The following NLRP8 variants were observed in gnomAD, a reference collection of about 807,000 sequenced individuals.
The protein encoded by NLRP8 is NLR family pyrin domain containing 8, also known as NACHT, LRR and PYD domains-containing protein 8.
In NLRP8, 86 loss-of-function variants were observed where a neutral mutation model predicts 88.7. The ratio of observed to expected loss-of-function variants is 0.97; its 90% CI spans 0.81 to 1.16. The LOEUF is 1.16. Among genes scored for constraint, NLRP8 ranks in the 50% most tolerant of loss-of-function variants. The pLI is 0.00. For synonymous variants in NLRP8, 504 were observed against 494.6 expected, an observed-to-expected ratio of 1.02 and a Z score of -0.25; for missense variants, 1,342 against 1,286.5, an observed-to-expected ratio of 1.04 and a Z score of -0.66.
chr19:55,986,483 C>CACACAT (rs1555759213), intron 9 of NLRP8, among the ~76,000 whole-genome samples: 6 of 149,408 alleles, frequency 4.0e-5, no homozygotes, highest in Non-Finnish European at 7.4e-5. Flanking sequence ...TACACACACA[C>CACACAT]ACACACACAC....
At chr19:55,973,919 A>T (rs1980194260) in intron 7 of NLRP8, 97 bp downstream of exon 7, 2 of 1,231,698 alleles carry the variant, frequency 1.6e-6, no homozygotes. Flanking sequence ...ATATTTATTA[A>T]GTGCCTACTG....
At chr19:55,978,997 A>C (rs903621581) in intron 8 of NLRP8, among the ~76,000 whole-genome samples, 37 of 152,158 alleles carry the variant, frequency 2.4e-4, no homozygotes, top group Non-Finnish European at 4.6e-4. Flanking sequence ...ATTTGAATAC[A>C]TGTATTTTGT....
At chr19:55,972,648 T>C (rs1980126965) in intron 6 of NLRP8, among the ~76,000 whole-genome samples, 1 of 151,842 alleles carries the variant, frequency 6.6e-6, no homozygotes, top group Non-Finnish European at 1.5e-5. Context: ...CCTCATAGCT[T>C]AGCTCCCACA....
At position 55,954,566 on chromosome 19, in the gene NLRP8, T is replaced by C. The variant is rs138726261; in HGVS notation, c.508T>C (p.Trp170Arg). 19 of 1,614,054 alleles carry C rather than the reference T, an allele frequency of 1.2e-5. No individual in the cohort carries two copies. Among genetic ancestry groups the C allele is most frequent in the Non-Finnish European group, 1.6e-5 (19 of 1,180,032 alleles). ...TTTCCCCATATGGGACATTACGACT[T>C]GGCCTGGAAACCAGAGGGACTTCTT... Residue 170 changes from tryptophan to arginine, a missense_variant, in exon 3 of 10, where the codon TGG becomes CGG. Transcript: ENST00000291971.
rs776927225 is a variant in NLRP8, at chr19:55,976,302, G to T, written c.2875G>T (p.Glu959Ter). 1.3e-6 allele frequency: 2 copies of T among 1,595,394 alleles called. No homozygotes were observed. Among genetic ancestry groups the T allele is most frequent in the Non-Finnish European group, 1.7e-6 (2 of 1,174,450 alleles). Residue 959 changes from glutamate to a stop codon, truncating the protein, a stop_gained and splice_region_variant, in exon 8 of 10, where the codon GAG (glutamate) becomes TAG (stop). Coordinates refer to ENST00000291971, the MANE Select transcript of NLRP8 (RefSeq NM_176811.2). LOFTEE classifies it high-confidence loss of function. ...CCCTGACTGTACATTACAGATCCTG[G>T]AGTAAGTGGCCCCTCGTCTCCTCCT...
chr19:55,949,786 C>T (rs1476633754), intron 1 of NLRP8, among the ~76,000 whole-genome samples: 3 of 152,142 alleles, frequency 2.0e-5, no homozygotes, highest in Non-Finnish European at 4.4e-5. Context: ...AACATAAACA[C>T]AGGAGAGTGG....
intron 8 of NLRP8, among the ~76,000 whole-genome samples, chr19:55,976,554 G>C (rs1980336475): frequency 6.6e-6 from 1 of 151,918 alleles, no homozygotes; most frequent in Admixed American, 6.6e-5. Context: ...TCTGAGGGTG[G>C]GATGCAGCAA....
Position 55,987,771 on chromosome 19 carries a change from A to C in NLRP8, c.3048-43A>C, listed in dbSNP as rs371524110. The C allele has an allele frequency of 1.9e-5, 28 of 1,461,472 alleles. No homozygotes were observed. The African/African-American group carries it at 3.5e-4, about 18-fold the overall frequency. 90.5% of individuals were successfully genotyped at this position (1,461,472 alleles called of 1,614,324 possible). ...AAGCTTAGGGAAGTCACTCATCCTCAGAAAATAACCTCAACCAGCAGCCTT... is the reference window on the plus strand; with the variant it reads ...AAGCTTAGGGAAGTCACTCATCCTCCGAAAATAACCTCAACCAGCAGCCTT... On this transcript the variant is annotated intron_variant, in intron 9 of 9. Transcript: ENST00000291971.
chr19:55,955,504 G>A lies in NLRP8; in HGVS notation c.1446G>A (p.Thr482=), dbSNP rs369750431. ...TTGAGGAAGCCAAGCTGGATCAGAC[G>A]GGAGTCACCGCCTTCCTTGGCATGA... The change falls in exon 3 of 10, where the codon ACG becomes ACA. Residue 482 remains threonine (T), a synonymous_variant. Transcript: ENST00000291971. 1.8e-4 allele frequency: 293 copies of A among 1,614,206 alleles called. 1 individual carries two copies. The South Asian group carries it at 2.8e-3, about 16-fold the overall frequency.
intron 3 of NLRP8, among the ~76,000 whole-genome samples, chr19:55,959,422 C>A (rs189488799): frequency 1.5e-3 from 232 of 151,836 alleles, no homozygotes; most frequent in African/African-American, 5.5e-3. Flanking sequence ...CCCTGTTAGC[C>A]AGAATGGTCT....
intron 3 of NLRP8, among the ~76,000 whole-genome samples, chr19:55,960,038 C>G (rs1442371252): frequency 6.6e-6 from 1 of 151,928 alleles, no homozygotes; most frequent in East Asian, 1.9e-4. Context: ...CTTCAGACCC[C>G]TAATAAAAAC....
intron 5 of NLRP8, among the ~76,000 whole-genome samples, chr19:55,968,907 A>G (rs1600308379): frequency 6.6e-6 from 1 of 152,128 alleles, no homozygotes; most frequent in East Asian, 1.9e-4. Flanking sequence ...TTTGGTGGAA[A>G]CATGATGTCA....
chr19:55,973,723 T>C lies in NLRP8; in HGVS notation c.2606T>C (p.Leu869Pro), dbSNP rs769815079. The change falls in exon 7 of 10, where the codon CTG becomes CCG. Residue 869 changes from leucine (L) to proline (P), a missense_variant. Leu to Pro is a moderately conservative substitution (Grantham distance 98). Coordinates refer to ENST00000291971, the MANE Select transcript of NLRP8 (RefSeq NM_176811.2). ...TCCTGTCTCAGGCAGAGTAAGATGC[T>C]GACCCACCTGAGCTTGGCAGAAAAC... 1 of 1,613,994 alleles carries C rather than the reference T, an allele frequency of 6.2e-7. No homozygotes were observed. The highest frequency in any genetic ancestry group is 1.3e-5 in the African/African-American group (1 of 74,932).
chr19:55,951,729 T>C (rs1979103692), intron 1 of NLRP8, among the ~76,000 whole-genome samples: 1 of 152,162 alleles, frequency 6.6e-6, no homozygotes, highest in African/African-American at 2.4e-5. Context: ...AAATGCTATG[T>C]AAATAGTTGT....
chr19:55,948,386 G>A, intron 1 of NLRP8, 117 bp downstream of exon 1: 1 of 1,049,330 alleles, frequency 9.5e-7, no homozygotes, highest in Non-Finnish European at 1.4e-6. Context: ...AAACAGTGGA[G>A]GAAGATAATG....
intron 9 of NLRP8, among the ~76,000 whole-genome samples, chr19:55,983,102 A>G (rs562887278): frequency 6.6e-4 from 100 of 152,320 alleles, no homozygotes; most frequent in African/African-American, 2.4e-3. Context: ...TCTTCATTTA[A>G]AAGAATTTAA....
chr19:55,947,919 C>T lies in NLRP8; in HGVS notation c.17C>T (p.Pro6Leu), dbSNP rs2123177164. 1 of 1,611,430 alleles carries T rather than the reference C, an allele frequency of 6.2e-7. No homozygotes were observed. Among genetic ancestry groups the T allele is most frequent in the East Asian group, 2.2e-5 (1 of 44,832 alleles). The change falls in exon 1 of 10, where the codon CCA (proline) becomes CTA (leucine). Residue 6 changes from proline to leucine, a missense_variant. Coordinates refer to ENST00000291971, the MANE Select transcript of NLRP8 (RefSeq NM_176811.2). ...TGACTAAAGATGAGTGACGTGAATC[C>T]ACCCTCTGACACCCCCATTCCCTTT... is the stretch of plus-strand genomic sequence containing the variant.
chr19:55,964,501 C>T (rs770298796), intron 4 of NLRP8, among the ~76,000 whole-genome samples: 2 of 152,202 alleles, frequency 1.3e-5, no homozygotes, highest in African/African-American at 2.4e-5. Flanking sequence ...CCGGTAATCC[C>T]AGCGCTTTGG....
In NLRP8 at chr19:55,955,552, TGAGGAAG is replaced by T; in HGVS notation, c.1495_1501del (p.Glu499ThrfsTer8). 1 of 1,614,172 alleles carries T rather than the reference TGAGGAAG, an allele frequency of 6.2e-7. No individual in the cohort carries two copies. The highest frequency in any genetic ancestry group is 8.5e-7 in the Non-Finnish European group (1 of 1,180,030). ...TGAGTATTCTTCGGAGAATTGCAGG[TGAGGAAG>T]ACCACTATGTCTTTACCCTCGTGAC... On this transcript the variant is annotated frameshift_variant, in exon 3 of 10. Transcript: ENST00000291971. LOFTEE classifies it high-confidence loss of function.
Sources: gnomAD v4.1 joint callset for allele counts (sites outside exome capture counted in the v4.1 genomes callset) on GRCh38, gnomAD v4.1.1 for gene constraint, MANE v1.5 for transcripts, NCBI Gene and HGNC (gene_info 2026-07-23, HGNC 2026-07-21) for gene names.